TMEM116: variants seen among roughly 807,000 people sequenced by gnomAD.
TMEM116 encodes transmembrane protein 116.
A neutral mutation model predicts 44.3 loss-of-function variants in TMEM116; 38 were observed. The observed-to-expected ratio is 0.86, with a 90% CI of 0.66 to 1.12. The LOEUF (loss-of-function observed/expected upper bound fraction) is 1.12. Ranked by LOEUF, TMEM116 falls within the 50% of genes most tolerant of loss-of-function variation. The pLI is 0.00. For synonymous variants in TMEM116, 132 were observed against 144.8 expected, an observed-to-expected ratio of 0.91 and a Z score of 0.64; for missense variants, 354 against 401.7, an observed-to-expected ratio of 0.88 and a Z score of 1.01.
intron 4 of TMEM116, among the ~76,000 whole-genome samples, chr12:111,978,101 TAA>T (rs761114406): frequency 1.5e-4 from 21 of 138,260 alleles, no homozygotes; most frequent in Non-Finnish European, 1.4e-4. Context: ...TAGAGTAGAT[TAA>T]AAAAAAAAAA....
At chr12:111,964,233 G>A (rs1471655215) in intron 4 of TMEM116, among the ~76,000 whole-genome samples, 1 of 151,630 alleles carries the variant, frequency 6.6e-6, no homozygotes, top group Non-Finnish European at 1.5e-5. Context: ...AAGGTCAAGA[G>A]ATCAAGACCA....
At chr12:111,936,385 T>C (rs1396024443) in intron 8 of TMEM116, 5 of 222,182 alleles carry the variant, frequency 2.3e-5, no homozygotes, top group Non-Finnish European at 3.5e-5. Flanking sequence ...ATCCTAACTA[T>C]GTAAAGGATA....
intron 1 of TMEM116, among the ~76,000 whole-genome samples, chr12:112,009,225 G>C (rs1437756239): frequency 1.3e-5 from 2 of 152,116 alleles, no homozygotes. Context: ...TTGTAAGAGA[G>C]CACCTGACTA....
At chr12:111,962,517 T>C (rs2136396085) in intron 4 of TMEM116, among the ~76,000 whole-genome samples, 1 of 152,260 alleles carries the variant, frequency 6.6e-6, no homozygotes, top group Non-Finnish European at 1.5e-5. Context: ...ACCACACATC[T>C]ACAACCATCT....
At chr12:111,942,644 A>G (rs1241651467) in intron 5 of TMEM116, among the ~76,000 whole-genome samples, 1 of 152,202 alleles carries the variant, frequency 6.6e-6, no homozygotes, top group East Asian at 1.9e-4. Flanking sequence ...ACAACAGGAG[A>G]TAAATAACAG....
chr12:111,938,965 T>G (rs968319918), intron 5 of TMEM116, among the ~76,000 whole-genome samples: 1 of 152,142 alleles, frequency 6.6e-6, no homozygotes, highest in South Asian at 2.1e-4. Flanking sequence ...TAATCAGATA[T>G]TGGTAATTAA....
intron 4 of TMEM116, among the ~76,000 whole-genome samples, chr12:111,974,072 A>C (rs2075515676): frequency 6.6e-6 from 1 of 152,134 alleles, no homozygotes; most frequent in Non-Finnish European, 1.5e-5. Flanking sequence ...AATAAAAACC[A>C]GTGATCATCT....
At chr12:111,968,222 G>A (rs996031588) in intron 4 of TMEM116, among the ~76,000 whole-genome samples, 4 of 152,026 alleles carry the variant, frequency 2.6e-5, no homozygotes, top group African/African-American at 9.7e-5. Flanking sequence ...GAGTCCACAT[G>A]GTGCCAACAA....
intron 3 of TMEM116, 51 bp from the exon 4 acceptor site, chr12:111,991,940 G>A (rs749627860): frequency 2.5e-5 from 38 of 1,499,326 alleles, no homozygotes; most frequent in Non-Finnish European, 3.2e-5. Context: ...CTAGGAGAAT[G>A]TTAACAATGT....
chr12:111,941,237 G>T (rs2072788386), intron 5 of TMEM116, among the ~76,000 whole-genome samples: 1 of 152,110 alleles, frequency 6.6e-6, no homozygotes, highest in Non-Finnish European at 1.5e-5. Context: ...TTAGCTGGGT[G>T]TGGTGGCATG....
At chr12:111,992,267 T>C (rs990262848) in intron 3 of TMEM116, among the ~76,000 whole-genome samples, 3 of 151,368 alleles carry the variant, frequency 2.0e-5, no homozygotes, top group Non-Finnish European at 4.4e-5. Context: ...CAACATCTTC[T>C]ACTTTTTTTT....
intron 3 of TMEM116, among the ~76,000 whole-genome samples, chr12:111,997,040 A>G (rs2076967355): frequency 6.6e-6 from 1 of 152,250 alleles, no homozygotes; most frequent in African/African-American, 2.4e-5. Context: ...AGAGTAAAAA[A>G]ATGCTTATCA....
intron 4 of TMEM116, among the ~76,000 whole-genome samples, chr12:111,968,685 G>T (rs1401639422): frequency 1.3e-5 from 2 of 152,140 alleles, no homozygotes; most frequent in Non-Finnish European, 2.9e-5. Flanking sequence ...AGACATTGGA[G>T]AAATATTTTT....
intron 4 of TMEM116, among the ~76,000 whole-genome samples, chr12:111,989,837 GGAAT>G (rs564479501): frequency 6.6e-5 from 10 of 152,144 alleles, no homozygotes; most frequent in Non-Finnish European, 1.5e-4. Context: ...GATGGAAACA[GGAAT>G]GCTTGTTATC....
intron 4 of TMEM116, among the ~76,000 whole-genome samples, chr12:111,984,090 T>C (rs2076092033): frequency 6.6e-6 from 1 of 152,162 alleles, no homozygotes; most frequent in African/African-American, 2.4e-5. Context: ...ACTATTTCAA[T>C]TAATGCAGAA....
At chr12:111,983,740 A>G (rs923055637) in intron 4 of TMEM116, among the ~76,000 whole-genome samples, 1 of 152,216 alleles carries the variant, frequency 6.6e-6, no homozygotes, top group Non-Finnish European at 1.5e-5. Flanking sequence ...GGTAAATTCT[A>G]TCAAACACTT....
At chr12:111,964,740 T>A (rs765093211) in intron 4 of TMEM116, among the ~76,000 whole-genome samples, 32 of 152,160 alleles carry the variant, frequency 2.1e-4, no homozygotes, top group South Asian at 1.0e-3. Flanking sequence ...CAGGCTGAAG[T>A]GTAGTAGTGT....
At chr12:111,968,174 G>T (rs974121131) in intron 4 of TMEM116, among the ~76,000 whole-genome samples, 1 of 152,148 alleles carries the variant, frequency 6.6e-6, no homozygotes, top group Admixed American at 6.5e-5. Context: ...CAAAGCTGAA[G>T]AAAGAACCAT....
At chr12:111,983,270 T>C (rs960216763) in intron 4 of TMEM116, among the ~76,000 whole-genome samples, 1 of 152,052 alleles carries the variant, frequency 6.6e-6, no homozygotes, top group Non-Finnish European at 1.5e-5. Context: ...ACCCCATCTC[T>C]ACTAAAAATA....
Sources: allele counts gnomAD v4.1 joint callset (sites outside exome capture counted in the v4.1 genomes callset), GRCh38; gene constraint gnomAD v4.1.1; transcripts MANE v1.5; gene names NCBI Gene and HGNC (gene_info 2026-07-23, HGNC 2026-07-21).